Variants in USP50 observed in about 807,000 individuals in gnomAD.
USP50 encodes the protein ubiquitin specific peptidase 50, also known as ubiquitin carboxyl-terminal hydrolase 50.
USP50 carries 37 observed loss-of-function variants against 39.2 expected under a neutral mutation model. The ratio of observed to expected loss-of-function variants is 0.94; its 90% CI spans 0.73 to 1.24. The LOEUF (loss-of-function observed/expected upper bound fraction) is 1.24. Ranked by LOEUF, USP50 falls within the 50% of genes most tolerant of loss-of-function variation. The pLI is 0.00. For synonymous variants in USP50, 139 were observed against 144.5 expected, an observed-to-expected ratio of 0.96 and a Z score of 0.27; for missense variants, 374 against 398.2, an observed-to-expected ratio of 0.94 and a Z score of 0.52.
intron 6 of USP50, 114 bp downstream of exon 6, chr15:50,529,683 T>A: frequency 8.3e-7 from 1 of 1,211,318 alleles, no homozygotes; most frequent in Non-Finnish European, 1.1e-6. Context: ...CTGGTCTATA[T>A]TTTTTAAAAG....
At chr15:50,506,425 AAC>A (rs1037287669) in intron 6 of USP50, 5 of 152,182 alleles carry the variant, frequency 3.3e-5, no homozygotes, top group African/African-American at 1.2e-4. Context: ...TCTGAGGTGG[AAC>A]AGTTTAATCC....
At chr15:50,543,843 C>G in intron 2 of USP50, 50 bp from the exon 3 acceptor site, 1 of 1,529,152 alleles carries the variant, frequency 6.5e-7, no homozygotes, top group South Asian at 1.2e-5. Flanking sequence ...GAAAAGAAGG[C>G]ACCTAATCAC....
chr15:50,516,678 T>C (rs1365448932), intron 6 of USP50, among the ~76,000 whole-genome samples: 6 of 151,820 alleles, frequency 4.0e-5, no homozygotes, highest in Non-Finnish European at 2.9e-5. Context: ...GGGATACATA[T>C]AGACTGAAAG....
chr15:50,504,963 C>T (rs2052638954), intron 6 of USP50: 2 of 141,460 alleles, frequency 1.4e-5, no homozygotes, highest in African/African-American at 5.3e-5. Context: ...GTGTGGGTGA[C>T]AGAGTGAGAC....
intron 5 of USP50, among the ~76,000 whole-genome samples, chr15:50,536,720 C>T (rs2052983399): frequency 6.6e-6 from 1 of 151,638 alleles, no homozygotes; most frequent in Non-Finnish European, 1.5e-5. Flanking sequence ...AAATGAAATA[C>T]TTAGTTATAA....
rs868109723 is a variant in USP50, at chr15:50,500,678, A to G, written c.*91T>C. The stretch of plus-strand genomic sequence containing the variant: ...TCTTAACGCTTTTGTATTGGTATGG[A>G]AAAGGGCTGGCAGCTATAGAACAGG... On this transcript the variant is annotated 3_prime_UTR_variant, in exon 7 of 7. Coordinates refer to ENST00000532404, the MANE Select transcript of USP50 (RefSeq NM_203494.5). 3 of 1,292,488 alleles carry G rather than the reference A, an allele frequency of 2.3e-6. No homozygotes were observed. The highest frequency in any genetic ancestry group is 5.1e-5 in the East Asian group (2 of 39,322). The allele number at this position is 1,292,488 out of a possible 1,614,324, so 80.1% of individuals were successfully genotyped here.
intron 1 of USP50, among the ~76,000 whole-genome samples, chr15:50,495,193 T>C (rs1029567187): frequency 4.7e-5 from 7 of 149,774 alleles, no homozygotes; most frequent in South Asian, 2.1e-4. Flanking sequence ...TGAACAGATA[T>C]ATATATATAT....
intron 3 of USP50, among the ~76,000 whole-genome samples, chr15:50,542,141 C>G (rs2053034659): frequency 6.6e-6 from 1 of 152,086 alleles, no homozygotes; most frequent in African/African-American, 2.4e-5. Context: ...AGCTCATACT[C>G]AGCAACAGCA....
chr15:50,539,562 C>G (rs1286795934), intron 4 of USP50, among the ~76,000 whole-genome samples: 1 of 151,856 alleles, frequency 6.6e-6, no homozygotes, highest in Non-Finnish European at 1.5e-5. Flanking sequence ...ACTACAGGCG[C>G]GTGCCACCAC....
chr15:50,523,024 G>A (rs1189583193), intron 6 of USP50, among the ~76,000 whole-genome samples: 1 of 151,916 alleles, frequency 6.6e-6, no homozygotes, highest in East Asian at 1.9e-4. Context: ...TAAAAGGCAC[G>A]CCAATAGGAA....
Position 50,541,159 on chromosome 15 carries a change from G to A in USP50, c.550C>T (p.Gln184Ter), listed in dbSNP as rs751029217. The change falls in exon 4 of 7, where the codon CAG becomes TAG. Residue 184 changes from glutamine to a stop codon, truncating the protein, a stop_gained. Transcript: ENST00000532404. LOFTEE classifies it high-confidence loss of function. ...TSIITQLFEE[Q>*]LNYSIVCLKC... ...AAACATACGATGCTATAATTGAGCT[G>A]CTCTTCAAACAGCTGGGTGATGATG... is the stretch of plus-strand genomic sequence containing the variant. The A allele has an allele frequency of 6.2e-7, 1 of 1,613,858 alleles. No individual in the cohort carries two copies. The highest frequency in any genetic ancestry group is 1.1e-5 in the South Asian group (1 of 91,076).
At chr15:50,530,675 G>T (rs1366554650) in intron 5 of USP50, among the ~76,000 whole-genome samples, 1 of 151,936 alleles carries the variant, frequency 6.6e-6, no homozygotes, top group Non-Finnish European at 1.5e-5. Flanking sequence ...TTTAAATACC[G>T]CATCCACAAG....
downstream of USP50, chr15:50,493,046 T>G (rs765393683): frequency 3.1e-6 from 3 of 953,368 alleles, no homozygotes; most frequent in African/African-American, 3.3e-5. Flanking sequence ...GAACAAAAAT[T>G]TATTTTCTCT....
downstream of USP50, chr15:50,495,869 AAAG>A: frequency 1.2e-6 from 2 of 1,613,534 alleles, no homozygotes; most frequent in Non-Finnish European, 1.7e-6. Flanking sequence ...GAAGAGATAT[AAAG>A]AAGAAAATAA....
chr15:50,529,963 A>T (rs1273622004), intron 5 of USP50, 34 bp from the exon 6 acceptor site: 1 of 1,611,112 alleles, frequency 6.2e-7, no homozygotes, highest in Non-Finnish European at 8.5e-7. Context: ...AATACAAAGT[A>T]AGCTTGTGAA....
downstream of USP50, chr15:50,493,127 G>T (rs1264961365): frequency 1.6e-6 from 1 of 633,494 alleles, no homozygotes; most frequent in Non-Finnish European, 2.9e-6. Context: ...ATCCTCACAG[G>T]GTAGAAGGTG....
intron 6 of USP50, among the ~76,000 whole-genome samples, chr15:50,517,305 T>C (rs908338552): frequency 2.6e-5 from 4 of 151,576 alleles, no homozygotes; most frequent in African/African-American, 7.3e-5. Context: ...ACCCCATCTT[T>C]ACTAAAAATA....
intron 6 of USP50, among the ~76,000 whole-genome samples, chr15:50,517,981 T>A (rs2052816646): frequency 6.6e-6 from 1 of 152,204 alleles, no homozygotes; most frequent in South Asian, 2.1e-4. Flanking sequence ...ATTAATGACG[T>A]GAGTCATCAC....
At chr15:50,523,174 G>GATTTTTTTTTTT (rs1566906899) in intron 6 of USP50, among the ~76,000 whole-genome samples, 1 of 83,966 alleles carries the variant, frequency 1.2e-5, no homozygotes, top group Non-Finnish European at 2.6e-5. Flanking sequence ...AAAATCAGTA[G>GATTTTTTTTTTT]CTTTTTTTTT....
Sources: gnomAD v4.1 joint callset for allele counts (sites outside exome capture counted in the v4.1 genomes callset) on GRCh38, gnomAD v4.1.1 for gene constraint, MANE v1.5 for transcripts, NCBI Gene and HGNC (gene_info 2026-07-23, HGNC 2026-07-21) for gene names.